The following RB1 variants were observed in gnomAD, a reference collection of about 807,000 sequenced individuals.
RB1 encodes RB transcriptional corepressor 1.
A neutral mutation model predicts 135.4 loss-of-function variants in RB1; 18 were observed. That is an observed-to-expected ratio of 0.13 (90% CI 0.09 to 0.20). RB1 has a LOEUF of 0.20. RB1 is among the 10% of genes least tolerant of loss of function. RB1 has a pLI of 1.00. For synonymous variants in RB1, 365 were observed against 373.2 expected, an observed-to-expected ratio of 0.98 and a Z score of 0.25; for missense variants, 868 against 1,110.0, an observed-to-expected ratio of 0.78 and a Z score of 3.10.
At chr13:48,381,526 C>A in intron 17 of RB1, 83 bp downstream of exon 17, 1 of 1,246,482 alleles carries the variant, frequency 8.0e-7, no homozygotes, top group Non-Finnish European at 1.2e-6. Flanking sequence ...TTCTTAACAT[C>A]TACCTCAAGA....
At chr13:48,364,677 G>A (rs965554670) in intron 8 of RB1, among the ~76,000 whole-genome samples, 20 of 152,098 alleles carry the variant, frequency 1.3e-4, no homozygotes, top group African/African-American at 4.8e-4. Flanking sequence ...AAGCTGTAAT[G>A]CATGTGATTG....
intron 12 of RB1, among the ~76,000 whole-genome samples, chr13:48,373,821 A>G (rs1952790503): frequency 6.6e-6 from 1 of 152,020 alleles, no homozygotes; most frequent in South Asian, 2.1e-4. Context: ...TTTGGGATGA[A>G]CTTTTTGAGG....
intron 2 of RB1, among the ~76,000 whole-genome samples, chr13:48,313,606 T>A (rs1490994824): frequency 1.3e-5 from 2 of 151,656 alleles, no homozygotes; most frequent in African/African-American, 4.8e-5. Flanking sequence ...GATATCCAGT[T>A]GTCTCTGCAC....
Position 48,480,248 on chromosome 13 carries a change from G to A in RB1, c.*177G>A, listed in dbSNP as rs1159293937. The A allele has an allele frequency of 4.9e-6, 3 of 609,510 alleles. No homozygotes were observed. The highest frequency in any genetic ancestry group is 8.9e-6 in the Non-Finnish European group (3 of 336,750). 37.8% of individuals were successfully genotyped at this position (609,510 alleles called of 1,614,324 possible). ...GGGTGATTCCTAAGCCACTTGAAAT[G>A]TTAGTCATTGTTATTTATACAAGAT... On this transcript the variant is annotated 3_prime_UTR_variant, in exon 27 of 27. Coordinates refer to ENST00000267163, the MANE Select transcript of RB1 (RefSeq NM_000321.3).
intron 17 of RB1, among the ~76,000 whole-genome samples, chr13:48,425,138 T>G (rs1426617091): frequency 1.3e-5 from 2 of 152,174 alleles, no homozygotes; most frequent in Admixed American, 1.3e-4. Flanking sequence ...CACATAGACA[T>G]GAGAATCTAC....
At chr13:48,452,496 T>C (rs1949334072) in intron 17 of RB1, among the ~76,000 whole-genome samples, 1 of 152,156 alleles carries the variant, frequency 6.6e-6, no homozygotes, top group African/African-American at 2.4e-5. Context: ...TTATTCATAA[T>C]AATTCCCTAT....
chr13:48,348,830 A>T, intron 5 of RB1, 126 bp from the exon 6 acceptor site: 1 of 1,088,474 alleles, frequency 9.2e-7, no homozygotes, highest in African/African-American at 1.6e-5. Flanking sequence ...GCATTCTATT[A>T]TGCATTTAAC....
intron 2 of RB1, among the ~76,000 whole-genome samples, chr13:48,322,426 T>C (rs563292285): frequency 6.6e-6 from 1 of 152,380 alleles, no homozygotes; most frequent in East Asian, 1.9e-4. Flanking sequence ...AATAGTTTCT[T>C]AGTGAATTCC....
chr13:48,330,457 A>T (rs1952322903), intron 2 of RB1, among the ~76,000 whole-genome samples: 2 of 152,152 alleles, frequency 1.3e-5, no homozygotes, highest in Admixed American at 6.5e-5. Context: ...CAAATAAATA[A>T]AATCAGGAAT....
chr13:48,328,688 G>A (rs1952309207), intron 2 of RB1: 4 of 466,332 alleles, frequency 8.6e-6, no homozygotes, highest in South Asian at 2.2e-5. Flanking sequence ...CCAGCTCCCA[G>A]CAGTCAAGAG....
chr13:48,348,013 T>C, intron 5 of RB1, 150 bp downstream of exon 5: 3 of 627,332 alleles, frequency 4.8e-6, no homozygotes, highest in Non-Finnish European at 8.5e-6. Context: ...GTGTAGATTA[T>C]TTATCTTCTC....
At chr13:48,353,977 G>A (rs1221561978) in intron 6 of RB1, among the ~76,000 whole-genome samples, 1 of 152,042 alleles carries the variant, frequency 6.6e-6, no homozygotes, top group South Asian at 2.1e-4. Context: ...CCCACAGCTA[G>A]TATAATACTT....
intron 4 of RB1, among the ~76,000 whole-genome samples, chr13:48,346,187 A>G (rs888798616): frequency 1.3e-5 from 2 of 149,774 alleles, no homozygotes; most frequent in African/African-American, 4.9e-5. Context: ...ATTAATGGAG[A>G]TAAATTATCT....
At chr13:48,411,181 G>C (rs1025661287) in intron 17 of RB1, 16 of 470,226 alleles carry the variant, frequency 3.4e-5, no homozygotes, top group Non-Finnish European at 5.3e-5. Context: ...AATCAAAATG[G>C]CTCAGAAAAA....
intron 13 of RB1, among the ~76,000 whole-genome samples, chr13:48,379,095 A>T (rs1310684540): frequency 1.3e-5 from 2 of 152,202 alleles, no homozygotes; most frequent in Non-Finnish European, 2.9e-5. Context: ...TTAATCCTGG[A>T]CAGCTATCTT....
At chr13:48,350,351 T>C (rs1322942577) in intron 6 of RB1, among the ~76,000 whole-genome samples, 1 of 151,990 alleles carries the variant, frequency 6.6e-6, no homozygotes, top group Admixed American at 6.6e-5. Context: ...AGAATAAAAC[T>C]AGAAATTAAT....
intron 6 of RB1, among the ~76,000 whole-genome samples, chr13:48,357,999 T>C (rs565735211): frequency 1.3e-5 from 2 of 152,202 alleles, no homozygotes; most frequent in African/African-American, 2.4e-5. Context: ...CGATAAGGAA[T>C]GTAAAGGGAA....
At chr13:48,314,712 A>G (rs1349918922) in intron 2 of RB1, among the ~76,000 whole-genome samples, 3 of 152,104 alleles carry the variant, frequency 2.0e-5, no homozygotes, top group Non-Finnish European at 4.4e-5. Flanking sequence ...GAGGCAGGAG[A>G]ATCGCTTGAA....
At chr13:48,381,726 AG>A (rs1415079293) in intron 17 of RB1, among the ~76,000 whole-genome samples, 1 of 152,122 alleles carries the variant, frequency 6.6e-6, no homozygotes, top group African/African-American at 2.4e-5. Context: ...TTTAAGTTCT[AG>A]GGTACATGTG....
Sources: allele counts gnomAD v4.1 joint callset (sites outside exome capture counted in the v4.1 genomes callset), GRCh38; gene constraint gnomAD v4.1.1; transcripts MANE v1.5; gene names NCBI Gene and HGNC (gene_info 2026-07-23, HGNC 2026-07-21).